The following NR1H4 variants were observed in gnomAD, a reference collection of about 807,000 sequenced individuals.
NR1H4 encodes bile acid receptor.
In NR1H4, 23 loss-of-function variants were observed where a neutral mutation model predicts 58.5. That is an observed-to-expected ratio of 0.39 (90% CI 0.28 to 0.56). The LOEUF (loss-of-function observed/expected upper bound fraction) is 0.56, where lower values mean the gene tolerates loss of function less well. Among genes scored for constraint, NR1H4 ranks in the 20% least tolerant of loss-of-function variants. NR1H4 has a pLI of 0.58. For missense variants in NR1H4, 487 were observed against 576.9 expected, an observed-to-expected ratio of 0.84 and a Z score of 1.60; for synonymous variants, 214 against 198.0, an observed-to-expected ratio of 1.08 and a Z score of -0.68.
At chr12:100,526,895 C>A (rs1379766497) in intron 4 of NR1H4, among the ~76,000 whole-genome samples, 1 of 152,114 alleles carries the variant, frequency 6.6e-6, no homozygotes, top group South Asian at 2.1e-4. Flanking sequence ...AACAAAAATC[C>A]TATGTGAGAG....
rs1954776890 is a variant in NR1H4, at chr12:100,534,813, C to A, written c.599-77C>A. 27 of 1,531,240 alleles carry A rather than the reference C, an allele frequency of 1.8e-5. No individual in the cohort carries two copies. In the Admixed American group the frequency reaches 4.5e-4, roughly 26 times the overall value. The allele number at this position is 1,531,240 out of a possible 1,614,324, so 94.9% of individuals were successfully genotyped here. On this transcript the variant is annotated intron_variant, in intron 5 of 10. Transcript: ENST00000392986. ...CATAGGGGATCTTCTGGGCCAGGTA[C>A]ATATCAGTGGTTTTATGACCACACA...
At chr12:100,486,198 A>G (rs1263162713) in intron 1 of NR1H4, among the ~76,000 whole-genome samples, 1 of 152,174 alleles carries the variant, frequency 6.6e-6, no homozygotes, top group Non-Finnish European at 1.5e-5. Context: ...CTCCACCCTT[A>G]ATCTCCTCAT....
At chr12:100,498,831 C>A (rs1953772258) in intron 3 of NR1H4, among the ~76,000 whole-genome samples, 1 of 152,152 alleles carries the variant, frequency 6.6e-6, no homozygotes, top group Admixed American at 6.5e-5. Flanking sequence ...AGATCCTATA[C>A]AATCCCATTC....
chr12:100,513,224 A>T (rs947790697), intron 4 of NR1H4, among the ~76,000 whole-genome samples: 3 of 152,204 alleles, frequency 2.0e-5, no homozygotes, highest in Non-Finnish European at 1.5e-5. Flanking sequence ...GTACATAGTA[A>T]ATATGGAATG....
Position 100,561,913 on chromosome 12 carries a change from G to A in NR1H4, c.1107G>A (p.Met369Ile). ...SGISDEYITP[M>I]FSFYKSIGEL... Reference sequence around the variant, plus strand: ...TCTCTGATGAATATATAACACCTATGTTTAGTTTTTATAAAAGTATTGGGG... The same window carrying A: ...TCTCTGATGAATATATAACACCTATATTTAGTTTTTATAAAAGTATTGGGG... Residue 369 changes from methionine to isoleucine, a missense_variant, in exon 10 of 11, where the codon ATG becomes ATA. Coordinates refer to ENST00000392986, the MANE Select transcript of NR1H4 (RefSeq NM_001206979.2). 2.0e-6 allele frequency: 3 copies of A among 1,502,554 alleles called. No homozygotes were observed. The highest frequency in any genetic ancestry group is 1.1e-5 in the South Asian group (1 of 88,786). 93.1% of individuals were successfully genotyped at this position (1,502,554 alleles called of 1,614,324 possible). A position where few individuals can be genotyped will look rare whatever the true frequency, so the allele number is the denominator to read the frequency against.
intron 3 of NR1H4, among the ~76,000 whole-genome samples, chr12:100,499,303 C>T (rs10492316): frequency 0.067 from 10,135 of 152,198 alleles, 865 homozygotes; most frequent in East Asian, 0.31. Flanking sequence ...TCAAAGTTTC[C>T]AAAAGATAGA....
chr12:100,556,357 C>T (rs1955323254), intron 9 of NR1H4, among the ~76,000 whole-genome samples: 2 of 151,690 alleles, frequency 1.3e-5, no homozygotes, highest in African/African-American at 4.8e-5. Flanking sequence ...ATCCCAGCTA[C>T]TCGGGAGACT....
At chr12:100,552,721 G>A (rs575385187) in intron 9 of NR1H4, among the ~76,000 whole-genome samples, 27 of 152,198 alleles carry the variant, frequency 1.8e-4, no homozygotes, top group Non-Finnish European at 3.4e-4. Flanking sequence ...CCAGGAGTTC[G>A]AGACCGGCCT....
intron 10 of NR1H4, among the ~76,000 whole-genome samples, 190 bp downstream of exon 10, chr12:100,562,188 C>T (rs1955491892): frequency 6.6e-6 from 1 of 152,136 alleles, no homozygotes; most frequent in Non-Finnish European, 1.5e-5. Flanking sequence ...AAAAATATCA[C>T]ACTTATTCAT....
chr12:100,521,742 A>G (rs185977339), intron 4 of NR1H4, among the ~76,000 whole-genome samples: 145 of 152,302 alleles, frequency 9.5e-4, no homozygotes, highest in Admixed American at 2.8e-3. Context: ...TTTCCAAAGG[A>G]TCCTTTGTTT....
intron 3 of NR1H4, among the ~76,000 whole-genome samples, chr12:100,496,848 T>C (rs1953726268): frequency 6.6e-6 from 1 of 152,112 alleles, no homozygotes; most frequent in Admixed American, 6.6e-5. Flanking sequence ...CTGGAGACAA[T>C]AATGACCTTT....
intron 9 of NR1H4, among the ~76,000 whole-genome samples, chr12:100,560,748 G>GT (rs1268844454): frequency 2.0e-5 from 3 of 152,174 alleles, no homozygotes; most frequent in Non-Finnish European, 2.9e-5. Flanking sequence ...CTAAAGATAG[G>GT]AAGGCCAGTA....
intron 4 of NR1H4, among the ~76,000 whole-genome samples, chr12:100,516,374 CT>C (rs952522485): frequency 1.2e-4 from 18 of 147,404 alleles, no homozygotes; most frequent in South Asian, 6.5e-4. Context: ...CATGCTAATT[CT>C]TTTTTTTTTT....
At chr12:100,535,227 C>T (rs1954788252) in intron 6 of NR1H4, among the ~76,000 whole-genome samples, 1 of 152,188 alleles carries the variant, frequency 6.6e-6, no homozygotes, top group South Asian at 2.1e-4. Context: ...TGAAAGTTTT[C>T]CTTCTCTCTG....
At chr12:100,543,801 C>G (rs1370584569) in intron 9 of NR1H4, among the ~76,000 whole-genome samples, 1 of 152,098 alleles carries the variant, frequency 6.6e-6, no homozygotes, top group Non-Finnish European at 1.5e-5. Context: ...GCTGAATTTT[C>G]ACATGTATGG....
At chr12:100,522,225 GTGA>G (rs373653033) in intron 4 of NR1H4, among the ~76,000 whole-genome samples, 3 of 152,042 alleles carry the variant, frequency 2.0e-5, no homozygotes, top group Admixed American at 6.6e-5. Context: ...TGTTGGTGAT[GTGA>G]TGATGATGAT....
chr12:100,510,944 T>A lies in NR1H4; in HGVS notation c.246T>A (p.Ser82=). 6.2e-6 allele frequency: 10 copies of A among 1,614,196 alleles called. No homozygotes were observed. Among genetic ancestry groups the A allele is most frequent in the Non-Finnish European group, 8.5e-6 (10 of 1,180,038 alleles). Residue 82 remains serine (S), a synonymous_variant, in exon 4 of 11, where the codon TCT becomes TCA. Transcript: ENST00000392986. ...CCCAGCAGCCTGAAGAGTGGTACTC[T>A]CCTGGAATATATGAACTCAGGCGTA... ...FYPQQPEEWY[S]PGIYELRRMP...
intron 4 of NR1H4, among the ~76,000 whole-genome samples, chr12:100,528,351 A>G (rs1431018817): frequency 1.3e-5 from 2 of 151,824 alleles, no homozygotes; most frequent in Non-Finnish European, 2.9e-5. Flanking sequence ...TGGGCAACAG[A>G]GTGAGGCTCC....
chr12:100,515,238 T>C (rs1954234535), intron 4 of NR1H4, among the ~76,000 whole-genome samples: 1 of 146,658 alleles, frequency 6.8e-6, no homozygotes, highest in African/African-American at 2.5e-5. Context: ...TGGCATGATC[T>C]CCACTCACTG....
Sources: allele counts gnomAD v4.1 joint callset (sites outside exome capture counted in the v4.1 genomes callset), GRCh38; gene constraint gnomAD v4.1.1; transcripts MANE v1.5; gene names NCBI Gene and HGNC (gene_info 2026-07-23, HGNC 2026-07-21).